Variants in TGIF1 observed in about 807,000 individuals in gnomAD.
TGIF1 encodes the protein homeobox protein TGIF1.
In TGIF1, 4 loss-of-function variants were observed where a neutral mutation model predicts 19.3. The ratio of observed to expected loss-of-function variants is 0.21; its 90% CI spans 0.10 to 0.47. TGIF1 has a LOEUF of 0.47. Ranked by LOEUF, TGIF1 falls within the 20% of genes least tolerant of loss-of-function variation. TGIF1 has a pLI of 0.98. For synonymous variants in TGIF1, 122 were observed against 129.3 expected (o/e 0.94, Z 0.38); for missense variants, 275 against 341.4 (o/e 0.81, Z 1.53).
chr18:3,420,361 C>T (rs1417203871), intron 2 of TGIF1, among the ~76,000 whole-genome samples: 2 of 151,130 alleles, frequency 1.3e-5, no homozygotes, highest in Non-Finnish European at 2.9e-5. Context: ...CCAGCCTGGG[C>T]AACAGAGTGA....
At chr18:3,431,685 G>A (rs2082549240) in intron 2 of TGIF1, among the ~76,000 whole-genome samples, 1 of 152,048 alleles carries the variant, frequency 6.6e-6, no homozygotes, top group South Asian at 2.1e-4. Flanking sequence ...CATCTATCTT[G>A]TTTCAAAATA....
At chr18:3,435,174 T>A (rs1174327965) in intron 2 of TGIF1, among the ~76,000 whole-genome samples, 5 of 152,134 alleles carry the variant, frequency 3.3e-5, no homozygotes, top group Admixed American at 6.5e-5. Context: ...ATTTCAGGCT[T>A]TTAATCTTTT....
intron 1 of TGIF1, among the ~76,000 whole-genome samples, chr18:3,417,638 C>G (rs2082350158): frequency 6.6e-6 from 1 of 151,946 alleles, no homozygotes; most frequent in Non-Finnish European, 1.5e-5. Context: ...ATTTAGCTAC[C>G]TATTCGTGTA....
chr18:3,447,597 C>T (rs1250861155), upstream of TGIF1: 6 of 934,978 alleles, frequency 6.4e-6, no homozygotes, highest in African/African-American at 3.3e-5. Context: ...AAACTCCAAA[C>T]AAGTTTGAGA....
In TGIF1 at chr18:3,457,048, G is replaced by A; in HGVS notation, c.244-317G>A. The A allele has an allele frequency of 3.6e-6, 2 of 554,980 alleles. No homozygotes were observed. The highest frequency in any genetic ancestry group is 2.2e-5 in the South Asian group (1 of 45,624). The allele number at this position is 554,980 out of a possible 1,614,324, so 34.4% of individuals were successfully genotyped here. A position where few individuals can be genotyped will look rare whatever the true frequency, so the allele number is the denominator to read the frequency against. ...TAGGTGATAGGTTAAAATGGGGAGA[G>A]TTAAAAAGTAAACCTCTCTCTCAAA... is the stretch of plus-strand genomic sequence containing the variant. On this transcript the variant is annotated intron_variant, in intron 2 of 2. Coordinates refer to ENST00000343820, the MANE Select transcript of TGIF1 (RefSeq NM_003244.4). The surrounding 1 kb of genome is among the most constrained non-coding windows in gnomAD (Gnocchi z 4.9).
At chr18:3,447,612 C>T (rs951163208), upstream of TGIF1, 3 of 1,038,110 alleles carry the variant, frequency 2.9e-6, no homozygotes, top group Non-Finnish European at 4.5e-6. Flanking sequence ...TTGAGATCAG[C>T]GTTGGCTGGG....
At chr18:3,447,471 A>C (rs186124219), upstream of TGIF1, 1 of 571,636 alleles carries the variant, frequency 1.7e-6, no homozygotes, top group East Asian at 3.0e-5. Context: ...AAAACGAATC[A>C]ACAAAAAATA....
intron 2 of TGIF1, among the ~76,000 whole-genome samples, chr18:3,427,016 C>T (rs1054777517): frequency 4.6e-5 from 7 of 151,072 alleles, no homozygotes; most frequent in Admixed American, 2.0e-4. Context: ...CTCCGCCTCC[C>T]GGGTTCAACC....
chr18:3,440,678 A>C (rs2143234574), intron 2 of TGIF1, among the ~76,000 whole-genome samples: 1 of 152,300 alleles, frequency 6.6e-6, no homozygotes, highest in African/African-American at 2.4e-5. Context: ...ATTTGTGAAA[A>C]ATCTCCTTTA....
intron 1 of TGIF1, among the ~76,000 whole-genome samples, chr18:3,452,970 C>G (rs750582141): frequency 1.3e-4 from 20 of 152,184 alleles, no homozygotes; most frequent in Non-Finnish European, 2.2e-4. Context: ...TCCACTAAGT[C>G]TTTTTGCTCC....
chr18:3,454,498 T>C (rs2083101363), intron 1 of TGIF1, among the ~76,000 whole-genome samples: 1 of 152,116 alleles, frequency 6.6e-6, no homozygotes, highest in Admixed American at 6.5e-5. Context: ...CTTAACACTT[T>C]TTTTAAAAGT....
upstream of TGIF1, chr18:3,447,953 A>G (rs772407827): frequency 2.3e-6 from 2 of 870,328 alleles, no homozygotes; most frequent in African/African-American, 1.8e-5. Flanking sequence ...CGCAGTCATT[A>G]GCCAAGTCCA....
In TGIF1 at chr18:3,451,244, G is replaced by T. The variant is rs577178873; in HGVS notation, c.16+739G>T. Among the ~76,000 whole-genome samples the T allele has an allele frequency of 2.6e-5, 4 of 152,306 alleles. No homozygotes were observed. Among genetic ancestry groups the T allele is most frequent in the East Asian group, 3.9e-4 (2 of 5,188 alleles). ...CCAAATGTGACAAGCAGGCTTGGTT[G>T]TAAGTGCAAAGAGCAAGGCTGTCAT... On this transcript the variant is annotated intron_variant, in intron 1 of 2. Transcript: ENST00000343820. This position sits in a 1 kb window ranked among gnomAD's most constrained non-coding sequence, Gnocchi z 5.4.
At chr18:3,449,337 G>A, upstream of TGIF1, 1 of 979,244 alleles carries the variant, frequency 1.0e-6, no homozygotes, top group South Asian at 4.7e-5. Context: ...GCCGGGGTTC[G>A]GCGACTCGGG....
At chr18:3,445,759 G>GAAAAAAA (rs2082735951), upstream of TGIF1, among the ~76,000 whole-genome samples, 1 of 31,532 alleles carries the variant, frequency 3.2e-5, no homozygotes, top group African/African-American at 1.7e-4. Context: ...AAAAAGAGAA[G>GAAAAAAA]AAAAGCAAAA....
chr18:3,428,840 G>A (rs1170084265), intron 2 of TGIF1, among the ~76,000 whole-genome samples: 1 of 152,112 alleles, frequency 6.6e-6, no homozygotes, highest in Non-Finnish European at 1.5e-5. Context: ...TCAGGAGTTC[G>A]AGAACAGCCT....
At chr18:3,450,836 C>T (rs918922742) in intron 1 of TGIF1, among the ~76,000 whole-genome samples, 1 of 152,166 alleles carries the variant, frequency 6.6e-6, no homozygotes, top group Admixed American at 6.5e-5. Flanking sequence ...GCTTCTCGCT[C>T]TTTCTCGCGT....
At position 3,453,705 on chromosome 18, in the gene TGIF1, AAAAG is replaced by A. The variant is rs1279490749; in HGVS notation, c.17-2646_17-2643del. The stretch of plus-strand genomic sequence containing the variant: ...CTGTCTCAAAAAAAAAAAAAAAAAA[AAAAG>A]AACGTGCAGGAACAAGGTCGCTGCT... On this transcript the variant is annotated intron_variant, in intron 1 of 2. Transcript: ENST00000343820. 2.0e-5 allele frequency: 14 copies of A among 700,874 alleles called. No homozygotes were observed. In the African/African-American group the frequency reaches 2.4e-4, roughly 12 times the overall value. 43.4% of individuals were successfully genotyped at this position (700,874 alleles called of 1,614,324 possible). A position where few individuals can be genotyped will look rare whatever the true frequency, so the allele number is the denominator to read the frequency against.
chr18:3,432,142 A>AC, intron 2 of TGIF1, among the ~76,000 whole-genome samples: 1 of 127,192 alleles, frequency 7.9e-6, no homozygotes, highest in Admixed American at 8.7e-5. Flanking sequence ...AAAAAAAAAA[A>AC]AACACTAAGA....
Sources: allele counts gnomAD v4.1 joint callset (sites outside exome capture counted in the v4.1 genomes callset), GRCh38; gene constraint gnomAD v4.1.1; non-coding constraint Gnocchi (gnomAD v3.1); transcripts MANE v1.5; gene names NCBI Gene and HGNC (gene_info 2026-07-23, HGNC 2026-07-21).